Variants in LRBA observed in about 807,000 individuals in gnomAD.
The protein encoded by LRBA is lipopolysaccharide-responsive and beige-like anchor protein.
In LRBA, 176 loss-of-function variants were observed where a neutral mutation model predicts 330.0. That is an observed-to-expected ratio of 0.53 (90% CI 0.47 to 0.60). LRBA has a LOEUF of 0.60. Ranked by LOEUF, LRBA falls within the 20% of genes least tolerant of loss-of-function variation. The probability of loss-of-function intolerance (pLI) is 0.00; values close to 1 mark genes in which losing one functional copy is unlikely to be tolerated. For synonymous variants in LRBA, 1,230 were observed against 1,193.0 expected, an observed-to-expected ratio of 1.03 and a Z score of -0.64; for missense variants, 3,259 against 3,444.8, an observed-to-expected ratio of 0.95 and a Z score of 1.35.
rs766421787 is a variant in LRBA, at chr4:151,014,649, C to T, written c.-7G>A. On this transcript the variant is annotated 5_prime_UTR_variant, in exon 2 of 57. Transcript: ENST00000651943. Reference sequence around the variant, plus strand: ...GATTGTCTTCGCTAGCCATTGCTAGCTCACGATAAAGGACAACTCAGAGTC... The same window carrying T: ...GATTGTCTTCGCTAGCCATTGCTAGTTCACGATAAAGGACAACTCAGAGTC... The T allele has an allele frequency of 6.3e-7, 1 of 1,586,866 alleles. No individual in the cohort carries two copies. The highest frequency in any genetic ancestry group is 8.6e-7 in the Non-Finnish European group (1 of 1,163,534).
At chr4:150,546,566 C>T (rs974126264) in intron 40 of LRBA, among the ~76,000 whole-genome samples, 1 of 152,190 alleles carries the variant, frequency 6.6e-6, no homozygotes, top group African/African-American at 2.4e-5. Context: ...ACTCAAAATA[C>T]TTCTGTGGAT....
At chr4:150,812,824 G>C (rs1294453073) in intron 31 of LRBA, among the ~76,000 whole-genome samples, 2 of 152,136 alleles carry the variant, frequency 1.3e-5, no homozygotes, top group African/African-American at 2.4e-5. Flanking sequence ...TATTGAGCTA[G>C]TTTCAATTTT....
At chr4:150,588,791 A>G (rs1389536312) in intron 39 of LRBA, among the ~76,000 whole-genome samples, 1 of 152,176 alleles carries the variant, frequency 6.6e-6, no homozygotes, top group African/African-American at 2.4e-5. Context: ...GTATTGTTCA[A>G]TGCTTCCAAA....
At chr4:150,415,722 T>C (rs1041706791) in intron 46 of LRBA, 132 bp from the exon 47 acceptor site, 10 of 589,540 alleles carry the variant, frequency 1.7e-5, no homozygotes, top group Non-Finnish European at 2.9e-5. Context: ...TTTCTTTGCA[T>C]ATCATAGCCC....
intron 46 of LRBA, chr4:150,423,597 G>GA (rs1368814716): frequency 3.0e-6 from 1 of 335,124 alleles, no homozygotes; most frequent in Non-Finnish European, 5.7e-6. Context: ...CCCACAAAAG[G>GA]AGAGACCGAA....
At chr4:150,388,968 A>G (rs1204712571) in intron 47 of LRBA, among the ~76,000 whole-genome samples, 1 of 152,238 alleles carries the variant, frequency 6.6e-6, no homozygotes, top group African/African-American at 2.4e-5. Flanking sequence ...ATATTAGTAG[A>G]CAAGTCTGTT....
At chr4:151,003,753 C>T (rs534370749) in intron 2 of LRBA, among the ~76,000 whole-genome samples, 1 of 152,186 alleles carries the variant, frequency 6.6e-6, no homozygotes, top group Non-Finnish European at 1.5e-5. Context: ...AATCATGCCG[C>T]TGCACTCTAG....
intron 44 of LRBA, among the ~76,000 whole-genome samples, chr4:150,443,847 T>TTAAAAAAAAA (rs1554027866): frequency 7.4e-5 from 4 of 53,720 alleles, no homozygotes; most frequent in African/African-American, 1.1e-4. Context: ...AAAGTATAAT[T>TTAAAAAAAAA]AAAAAAATAT....
At chr4:150,985,734 G>A (rs547302122) in intron 2 of LRBA, among the ~76,000 whole-genome samples, 7 of 152,150 alleles carry the variant, frequency 4.6e-5, no homozygotes, top group East Asian at 1.9e-4. Flanking sequence ...TCCTGACCTC[G>A]TGATCCGCCC....
chr4:150,757,540 A>G (rs969229458), intron 35 of LRBA, among the ~76,000 whole-genome samples: 2 of 152,132 alleles, frequency 1.3e-5, no homozygotes, highest in African/African-American at 4.8e-5. Context: ...TAATAAGAAG[A>G]AAAAAAGGTT....
intron 37 of LRBA, among the ~76,000 whole-genome samples, chr4:150,614,637 T>C (rs1244237469): frequency 6.6e-6 from 1 of 152,184 alleles, no homozygotes; most frequent in African/African-American, 2.4e-5. Context: ...GTTAATTAAA[T>C]GTTACATGGA....
chr4:150,810,189 T>C (rs1171113466), intron 31 of LRBA, among the ~76,000 whole-genome samples: 5 of 152,118 alleles, frequency 3.3e-5, no homozygotes, highest in African/African-American at 1.2e-4. Flanking sequence ...TCAGTTCTGA[T>C]TACCAGGTCT....
intron 38 of LRBA, among the ~76,000 whole-genome samples, chr4:150,591,579 T>C (rs1354970174): frequency 6.6e-6 from 1 of 152,116 alleles, no homozygotes; most frequent in African/African-American, 2.4e-5. Context: ...CTACCTCCTC[T>C]GCATGTTTAA....
intron 33 of LRBA, among the ~76,000 whole-genome samples, chr4:150,805,303 G>A (rs1742461677): frequency 9.1e-6 from 1 of 109,634 alleles, no homozygotes; most frequent in Non-Finnish European, 1.8e-5. Flanking sequence ...GGAAAGGAAA[G>A]GAAAGGAAAG....
chr4:150,502,728 C>T lies in LRBA; in HGVS notation c.6331-11693G>A, dbSNP rs576716317. On this transcript the variant is annotated intron_variant, in intron 40 of 56. Coordinates refer to ENST00000651943, the MANE Select transcript of LRBA (RefSeq NM_001364905.1). ...GTGCAGGACAGTGGGTGCAGCGCAC[C>T]GTGCGTGAGGCGAAGCAGGGCAAGG... Among the ~76,000 whole-genome samples, 41 of 152,264 alleles carry T rather than the reference C, an allele frequency of 2.7e-4. No individual in the cohort carries two copies. The East Asian group carries it at 7.5e-3, about 28-fold the overall frequency.
intron 40 of LRBA, among the ~76,000 whole-genome samples, chr4:150,516,215 CTCT>C (rs1554045645): frequency 0.14 from 12,381 of 86,358 alleles, 3,256 homozygotes; most frequent in Non-Finnish European, 0.16. Flanking sequence ...ATTTTCTATT[CTCT>C]TTTTTTTTTT....
chr4:150,574,679 C>G (rs553726758), intron 40 of LRBA, among the ~76,000 whole-genome samples: 1 of 152,114 alleles, frequency 6.6e-6, no homozygotes, highest in South Asian at 2.1e-4. Context: ...TTGTATCATT[C>G]ATTTTTAATT....
chr4:150,831,333 G>A (rs1042554534), intron 29 of LRBA, among the ~76,000 whole-genome samples: 1 of 151,448 alleles, frequency 6.6e-6, no homozygotes, highest in African/African-American at 2.4e-5. Context: ...TTTTGTTTTA[G>A]TCATGAATAT....
chr4:150,570,919 T>A (rs1009534327), intron 40 of LRBA, among the ~76,000 whole-genome samples: 1 of 152,176 alleles, frequency 6.6e-6, no homozygotes, highest in African/African-American at 2.4e-5. Context: ...AAATTGACTG[T>A]ATTAAAAAGT....
Sources: gnomAD v4.1 joint callset for allele counts (sites outside exome capture counted in the v4.1 genomes callset) on GRCh38, gnomAD v4.1.1 for gene constraint, MANE v1.5 for transcripts, NCBI Gene and HGNC (gene_info 2026-07-23, HGNC 2026-07-21) for gene names.